The following CPAMD8 variants were observed in gnomAD, a reference collection of about 807,000 sequenced individuals.
CPAMD8 encodes C3 and PZP-like alpha-2-macroglobulin domain-containing protein 8.
Under a neutral mutation model 224.7 loss-of-function variants are expected in CPAMD8, and 146 were observed. That is an observed-to-expected ratio of 0.65 (90% CI 0.57 to 0.75). The LOEUF is 0.75. Ranked by LOEUF, CPAMD8 falls within the 30% of genes least tolerant of loss-of-function variation. The pLI, the probability that CPAMD8 is intolerant of heterozygous loss-of-function variation, is 0.00. For synonymous variants in CPAMD8, 966 were observed against 1,044.6 expected, an observed-to-expected ratio of 0.92 and a Z score of 1.45; for missense variants, 2,301 against 2,537.5, an observed-to-expected ratio of 0.91 and a Z score of 2.00.
At chr19:16,980,766 CCA>C in intron 13 of CPAMD8, 80 bp from the exon 14 acceptor site, 3 of 1,202,254 alleles carry the variant, frequency 2.5e-6, no homozygotes, top group Non-Finnish European at 3.5e-6. Flanking sequence ...CATTCTGGGG[CCA>C]GAGGGAGGTT....
At chr19:16,949,728 C>A (rs2054238178) in intron 20 of CPAMD8, among the ~76,000 whole-genome samples, 1 of 152,214 alleles carries the variant, frequency 6.6e-6, no homozygotes, top group Admixed American at 6.5e-5. Context: ...GGTCAAGCTG[C>A]CTCCTGCTTC....
At chr19:16,947,270 C>A (rs1466185525) in intron 20 of CPAMD8, 43 bp from the exon 21 acceptor site, 1 of 1,579,304 alleles carries the variant, frequency 6.3e-7, no homozygotes, top group Non-Finnish European at 8.6e-7. Context: ...GAATCCAGAC[C>A]CCCTCCCAGT....
intron 22 of CPAMD8, among the ~76,000 whole-genome samples, chr19:16,939,690 G>A (rs1407780037): frequency 2.6e-5 from 4 of 152,040 alleles, no homozygotes; most frequent in Admixed American, 2.0e-4. Context: ...GCTGTTAAAC[G>A]TCTCCTGATA....
At chr19:16,927,846 G>A (rs2053417714) in intron 25 of CPAMD8, among the ~76,000 whole-genome samples, 163 bp downstream of exon 25, 1 of 152,216 alleles carries the variant, frequency 6.6e-6, no homozygotes, top group Non-Finnish European at 1.5e-5. Context: ...ACATGGATGG[G>A]CATAGAGAAG....
At chr19:16,951,524 G>A (rs1360204548) in intron 20 of CPAMD8, among the ~76,000 whole-genome samples, 10 of 152,040 alleles carry the variant, frequency 6.6e-5, no homozygotes, top group Admixed American at 2.0e-4. Flanking sequence ...GAGTTGAGTC[G>A]CTGCCACAGG....
At chr19:17,017,939 A>C (rs951998816) in intron 3 of CPAMD8, among the ~76,000 whole-genome samples, 3 of 152,050 alleles carry the variant, frequency 2.0e-5, no homozygotes, top group African/African-American at 7.3e-5. Flanking sequence ...AGGCTGAGGC[A>C]GGAGAATCAC....
At chr19:16,929,604 G>T (rs1361842621) in intron 23 of CPAMD8, among the ~76,000 whole-genome samples, 4 of 152,158 alleles carry the variant, frequency 2.6e-5, no homozygotes, top group Admixed American at 6.5e-5. Context: ...GGAGGCCAAG[G>T]CAGGAGGATC....
intron 11 of CPAMD8, 33 bp downstream of exon 11, chr19:16,997,078 G>T: frequency 1.4e-6 from 2 of 1,399,846 alleles, no homozygotes; most frequent in Non-Finnish European, 2.0e-6. Flanking sequence ...GGTGGTCCTT[G>T]GGCGGGAGGC....
chr19:17,023,616 C>G (rs905340895), intron 1 of CPAMD8, among the ~76,000 whole-genome samples: 20 of 151,998 alleles, frequency 1.3e-4, no homozygotes, highest in Non-Finnish European at 2.8e-4. Flanking sequence ...GAGTCTTGCT[C>G]TGTTGCCCAG....
chr19:17,008,046 G>A (rs763683211), intron 7 of CPAMD8, among the ~76,000 whole-genome samples: 16 of 152,228 alleles, frequency 1.1e-4, no homozygotes, highest in Non-Finnish European at 2.4e-4. Context: ...CCATGCACCT[G>A]TAATCCCAGC....
intron 9 of CPAMD8, among the ~76,000 whole-genome samples, chr19:17,001,342 A>AAC (rs2056312835): frequency 6.7e-6 from 1 of 148,350 alleles, no homozygotes; most frequent in African/African-American, 2.5e-5. Flanking sequence ...AAAAAAAAAA[A>AAC]AACAAGGATC....
chr19:16,945,689 T>C lies in CPAMD8; in HGVS notation c.2663-10A>G, dbSNP rs562595024. The C allele has an allele frequency of 2.7e-5, 44 of 1,613,814 alleles. No individual in the cohort carries two copies. In the South Asian group the frequency reaches 4.7e-4, roughly 17 times the overall value. On this transcript the variant is annotated splice_polypyrimidine_tract_variant and intron_variant, in intron 21 of 41. Coordinates refer to ENST00000443236, the MANE Select transcript of CPAMD8 (RefSeq NM_015692.5). ...TAAGCAAGGGCTTTGGCTGCAGAAA[T>C]TTGATGTCTTGGTCTCAGAACAGGT...
At chr19:16,904,115 A>C in intron 32 of CPAMD8, 111 bp downstream of exon 32, 1 of 1,228,370 alleles carries the variant, frequency 8.1e-7, no homozygotes. Context: ...TTGGGGCTCC[A>C]TAAGGTGAGA....
In CPAMD8 at chr19:16,970,876, T is replaced by C. The variant is rs373536723; in HGVS notation, c.2213+15A>G. The C allele has an allele frequency of 5.0e-6, 8 of 1,612,134 alleles. No homozygotes were observed. The African/African-American group carries it at 5.3e-5, about 11-fold the overall frequency. ...ACCAGGGTTAGAAAACCTTGCTCAA[T>C]GTATAAGCCGTTACCTGGGGGGGTG... On this transcript the variant is annotated intron_variant, in intron 18 of 41. Coordinates refer to ENST00000443236, the MANE Select transcript of CPAMD8 (RefSeq NM_015692.5).
intron 23 of CPAMD8, among the ~76,000 whole-genome samples, chr19:16,936,084 T>A (rs1599733395): frequency 6.6e-6 from 1 of 152,072 alleles, no homozygotes; most frequent in South Asian, 2.1e-4. Flanking sequence ...CAAGCCACCA[T>A]GCCCAGCTAA....
intron 5 of CPAMD8, among the ~76,000 whole-genome samples, chr19:17,010,705 CAGAG>C (rs962757920): frequency 2.0e-5 from 3 of 152,020 alleles, no homozygotes; most frequent in Admixed American, 2.0e-4. Context: ...CATATACAGA[CAGAG>C]AGAGAGCGCT....
intron 27 of CPAMD8, among the ~76,000 whole-genome samples, chr19:16,920,422 G>C (rs536630121): frequency 6.6e-6 from 1 of 152,208 alleles, no homozygotes; most frequent in African/African-American, 2.4e-5. Flanking sequence ...GGAGCTTGCA[G>C]TGTGCCGAGA....
At chr19:16,997,003 G>T (rs557899417) in intron 11 of CPAMD8, 108 bp downstream of exon 11, 105 of 728,930 alleles carry the variant, frequency 1.4e-4, no homozygotes, top group African/African-American at 1.3e-3. Flanking sequence ...CAAAGGTTAT[G>T]TCAGGGGATC....
chr19:17,015,426 G>A (rs1274937401), intron 3 of CPAMD8, among the ~76,000 whole-genome samples: 1 of 152,038 alleles, frequency 6.6e-6, no homozygotes, highest in Non-Finnish European at 1.5e-5. Flanking sequence ...GCACTGTCAT[G>A]ACCATTGTGT....
Sources: gnomAD v4.1 joint callset for allele counts (sites outside exome capture counted in the v4.1 genomes callset) on GRCh38, gnomAD v4.1.1 for gene constraint, MANE v1.5 for transcripts, NCBI Gene and HGNC (gene_info 2026-07-23, HGNC 2026-07-21) for gene names.